Variants in TJP3 observed in about 807,000 individuals in gnomAD.
TJP3 encodes the protein tight junction protein 3, also known as tight junction protein ZO-3.
A neutral mutation model predicts 104.2 loss-of-function variants in TJP3; 85 were observed. The observed-to-expected ratio is 0.82, with a 90% CI of 0.68 to 0.98. The LOEUF is 0.98. Ranked by LOEUF, TJP3 falls within the 50% of genes least tolerant of loss-of-function variation. The pLI, the probability that TJP3 is intolerant of heterozygous loss-of-function variation, is 0.00. For missense variants in TJP3, 1,367 were observed against 1,322.8 expected (o/e 1.03, Z -0.52); for synonymous variants, 550 against 550.6 (o/e 1.00, Z 0.02).
At chr19:3,747,022 G>A in intron 18 of TJP3, 146 bp downstream of exon 18, 1 of 740,868 alleles carries the variant, frequency 1.3e-6, no homozygotes, top group Non-Finnish European at 2.2e-6. Flanking sequence ...TGAGACAAGG[G>A]TGTTGGACTG....
rs748163560 is a variant in TJP3 at position 3,730,597 on chromosome 19, C to T, written c.504C>T (p.Gly168=). 6.2e-7 allele frequency: 1 copy of T among 1,611,038 alleles called. No individual in the cohort carries two copies. The highest frequency in any genetic ancestry group is 8.5e-7 in the Non-Finnish European group (1 of 1,179,766). Residue 168 remains glycine, a synonymous_variant, in exon 5 of 21, where the codon GGC becomes GGT. Transcript: ENST00000541714. This position sits in a 1 kb window ranked among gnomAD's most constrained non-coding sequence, Gnocchi z 7.3. The part of the protein sequence containing the change: ...GSHGRRSPGG[G]SEANGLALVS... ...ATGGGCGTAGGAGCCCAGGTGGTGG[C>T]TCTGAGGCCAACGGGCTGGCCCTGG...
In TJP3 at chr19:3,738,891, C is replaced by T. The variant is rs1432765619; in HGVS notation, c.1394-6C>T. ...GGCAGCTCATGTGGCCTCCCGCTCT[C>T]CCCAGTTTTCTGGAAAATGGTGCAG... On this transcript the variant is annotated splice_polypyrimidine_tract_variant and splice_region_variant and intron_variant, in intron 12 of 20. Transcript: ENST00000541714. 18 of 1,579,938 alleles carry T rather than the reference C, an allele frequency of 1.1e-5. No individual in the cohort carries two copies. Among genetic ancestry groups the T allele is most frequent in the African/African-American group, 2.7e-5 (2 of 74,438 alleles).
In TJP3 at chr19:3,730,506, C is replaced by G. The variant is rs1219126517; in HGVS notation, c.413C>G (p.Ser138Cys). Reference sequence around the variant, plus strand: ...TATGACGGCGACTCATCCAGTGGCTCCGGCCGCTCCTGGGACGAGCGCTCC... The same window carrying G: ...TATGACGGCGACTCATCCAGTGGCTGCGGCCGCTCCTGGGACGAGCGCTCC... ...RGYDGDSSSG[S>C]GRSWDERSRR... is the part of the protein sequence containing the mutation. The change falls in exon 5 of 21, where the codon TCC (serine) becomes TGC (cysteine). Residue 138 changes from serine to cysteine, a missense_variant. Physicochemically the swap from Ser to Cys is moderately radical, Grantham distance 112 (BLOSUM62 -1). Transcript: ENST00000541714. This position sits in a 1 kb window ranked among gnomAD's most constrained non-coding sequence, Gnocchi z 7.3. The G allele has an allele frequency of 3.1e-6, 5 of 1,587,820 alleles. No individual in the cohort carries two copies. Among genetic ancestry groups the G allele is most frequent in the Non-Finnish European group, 4.3e-6 (5 of 1,168,694 alleles).
At chr19:3,727,100 GA>G (rs976538986) in intron 1 of TJP3, among the ~76,000 whole-genome samples, 5 of 151,744 alleles carry the variant, frequency 3.3e-5, no homozygotes, top group East Asian at 1.9e-4. Flanking sequence ...AAAAGTGTGG[GA>G]GGGGGGACTT....
At chr19:3,735,431 T>C in intron 8 of TJP3, 135 bp from the exon 9 acceptor site, 1 of 809,122 alleles carries the variant, frequency 1.2e-6, no homozygotes, top group Non-Finnish European at 2.1e-6. Context: ...AATCCTGACC[T>C]CAGGTGATCT....
Position 3,738,650 on chromosome 19 carries a change from G to A in TJP3, c.1380G>A (p.Gln460=), listed in dbSNP as rs745937500. 1.2e-6 allele frequency: 2 copies of A among 1,613,650 alleles called. No homozygotes were observed. Among genetic ancestry groups the A allele is most frequent in the South Asian group, 2.2e-5 (2 of 91,054 alleles). Residue 460 remains glutamine, a synonymous_variant, in exon 12 of 21, where the codon CAG becomes CAA. Transcript: ENST00000541714. The part of the protein sequence containing the change: ...PPGEEMELVT[Q]RKQDIFWKMV... ...GCGAGGAGATGGAGCTGGTGACGCA[G>A]AGGAAGCAGGACAGTGAGTGCGCGT... is the stretch of plus-strand genomic sequence containing the variant.
chr19:3,749,846 C>T (rs890079556), intron 19 of TJP3, among the ~76,000 whole-genome samples: 15 of 152,202 alleles, frequency 9.9e-5, no homozygotes, highest in African/African-American at 3.6e-4. Flanking sequence ...AGCCACTGTA[C>T]TAAGTCCTTT....
Position 3,734,341 on chromosome 19 carries a change from G to T in TJP3, c.892G>T (p.Ala298Ser). The change falls in exon 8 of 21, where the codon GCC becomes TCC. Residue 298 changes from alanine (A) to serine (S), a missense_variant. Physicochemically the swap from Ala to Ser is moderately conservative, Grantham distance 99. Coordinates refer to ENST00000541714, the MANE Select transcript of TJP3 (RefSeq NM_001267560.2). ...TCCCCCTGCAGACATCTCGGACCTC[G>T]CCTCGGAGCTATCGCAGGCACCACC... Reference protein sequence around the residue: ...SSPLEDISDLASELSQAPPSH... With the variant: ...SSPLEDISDLSSELSQAPPSH... 1 of 1,613,700 alleles carries T rather than the reference G, an allele frequency of 6.2e-7. No individual in the cohort carries two copies. Among genetic ancestry groups the T allele is most frequent in the South Asian group, 1.1e-5 (1 of 91,076 alleles).
intron 8 of TJP3, 88 bp from the exon 9 acceptor site, chr19:3,735,478 C>A: frequency 2.3e-6 from 3 of 1,321,394 alleles, no homozygotes; most frequent in Non-Finnish European, 3.3e-6. Flanking sequence ...GGATTACAGG[C>A]ATGAACCACC....
intron 14 of TJP3, among the ~76,000 whole-genome samples, chr19:3,742,957 A>G (rs1164661366): frequency 7.0e-6 from 1 of 143,858 alleles, no homozygotes. Flanking sequence ...ACACAGCAAG[A>G]CTCTGTCTCA....
chr19:3,739,998 C>A (rs779618620), intron 13 of TJP3, among the ~76,000 whole-genome samples: 5 of 152,104 alleles, frequency 3.3e-5, no homozygotes, highest in Non-Finnish European at 5.9e-5. Context: ...CTTTGGGAGG[C>A]TGAGGCGGGC....
intron 1 of TJP3, chr19:3,721,737 A>T (rs2036543715): frequency 2.6e-6 from 1 of 385,832 alleles, no homozygotes; most frequent in South Asian, 1.3e-4. Context: ...GGGCAGGTGC[A>T]GCCGGGAGCT....
Position 3,730,220 on chromosome 19 carries a change from G to A in TJP3, c.261+90G>A. The A allele has an allele frequency of 1.3e-6, 2 of 1,529,938 alleles. No homozygotes were observed. The highest frequency in any genetic ancestry group is 1.1e-5 in the South Asian group (1 of 88,856). 94.8% of individuals were successfully genotyped at this position (1,529,938 alleles called of 1,614,324 possible). On this transcript the variant is annotated intron_variant, in intron 4 of 20. Transcript: ENST00000541714. The surrounding 1 kb of genome is among the most constrained non-coding windows in gnomAD (Gnocchi z 7.3). ...GGTTGTAAGCTTCTGAGAGCAAGGA[G>A]TCATCTTCTCATCTTACAGTTTGGA...
chr19:3,724,878 G>A (rs1297908480), intron 1 of TJP3, among the ~76,000 whole-genome samples: 2 of 150,472 alleles, frequency 1.3e-5, no homozygotes, highest in African/African-American at 4.9e-5. Flanking sequence ...CATCAAAGCA[G>A]GTTAAAAAAA....
chr19:3,720,705 C>G (rs1217483822), intron 1 of TJP3, among the ~76,000 whole-genome samples: 1 of 151,888 alleles, frequency 6.6e-6, no homozygotes, highest in Non-Finnish European at 1.5e-5. Context: ...CTACCCTGGT[C>G]CAGTCCCTCC....
At position 3,716,362 on chromosome 19, in the gene TJP3, C is replaced by T. The variant is rs577817088; in HGVS notation, c.-10+7801C>T. Among the ~76,000 whole-genome samples, 6 of 148,564 alleles carry T rather than the reference C, an allele frequency of 4.0e-5. 1 individual carries two copies. The highest frequency in any genetic ancestry group is 6.8e-5 in the Admixed American group (1 of 14,698). On this transcript the variant is annotated intron_variant, in intron 1 of 20. Transcript: ENST00000541714. ...TGCTGGAATTACAGGTGTGAGTCACCGCGCTCGGCCTGGTATTGAACACCA... is the reference window on the plus strand; with the variant it reads ...TGCTGGAATTACAGGTGTGAGTCACTGCGCTCGGCCTGGTATTGAACACCA...
rs190555817 is a variant in TJP3 at position 3,743,951 on chromosome 19, G to A, written c.1856G>A (p.Arg619His). ...CTCTACCCCTCAGCCAGTTTCAAGCGCCCGGTAGTGATCCTGGGACCCGTG... is the reference window on the plus strand; with the variant it reads ...CTCTACCCCTCAGCCAGTTTCAAGCACCCGGTAGTGATCCTGGGACCCGTG... Reference protein sequence around the residue: ...RVVLREASFKRPVVILGPVAD... With the variant: ...RVVLREASFKHPVVILGPVAD... Residue 619 changes from arginine (R) to histidine (H), a missense_variant, in exon 15 of 21, where the codon CGC becomes CAC. By Grantham distance (29) the Arg-to-His change is conservative (BLOSUM62 0). Coordinates refer to ENST00000541714, the MANE Select transcript of TJP3 (RefSeq NM_001267560.2). 5.8e-5 allele frequency: 93 copies of A among 1,614,080 alleles called. No homozygotes were observed. The highest frequency in any genetic ancestry group is 3.2e-4 in the Admixed American group (19 of 59,998).
At position 3,730,127 on chromosome 19, in the gene TJP3, C is replaced by A; in HGVS notation, c.258C>A (p.Asn86Lys). The part of the protein sequence containing the change: ...QILKTCTKMA[N>K]ITVKRPRRIH... ...TCAAGACCTGCACCAAGATGGCCAA[C>A]ATCGTGAGTAGGCAGCCCCTGGCAT... is the stretch of plus-strand genomic sequence containing the variant. Residue 86 changes from asparagine (N) to lysine (K), a missense_variant, in exon 4 of 21, where the codon AAC becomes AAA. Physicochemically the swap from Asn to Lys is moderately conservative, Grantham distance 94. Coordinates refer to ENST00000541714, the MANE Select transcript of TJP3 (RefSeq NM_001267560.2). This position sits in a 1 kb window ranked among gnomAD's most constrained non-coding sequence, Gnocchi z 7.3. 1 of 1,614,068 alleles carries A rather than the reference C, an allele frequency of 6.2e-7. No homozygotes were observed. Among genetic ancestry groups the A allele is most frequent in the African/African-American group, 1.3e-5 (1 of 75,034 alleles).
chr19:3,709,972 A>T (rs1346050493), intron 1 of TJP3, among the ~76,000 whole-genome samples: 2 of 152,000 alleles, frequency 1.3e-5, no homozygotes, highest in African/African-American at 4.8e-5. Flanking sequence ...ACATGGTGGA[A>T]CCCTGTCTCT....
Sources: gnomAD v4.1 joint callset for allele counts (sites outside exome capture counted in the v4.1 genomes callset) on GRCh38, gnomAD v4.1.1 for gene constraint, Gnocchi (gnomAD v3.1) non-coding constraint, MANE v1.5 for transcripts, NCBI Gene and HGNC (gene_info 2026-07-23, HGNC 2026-07-21) for gene names.